OTUB2: variants seen among roughly 807,000 people sequenced by gnomAD.
The protein encoded by OTUB2 is ubiquitin thioesterase OTUB2.
In OTUB2, 21 loss-of-function variants were observed where a neutral mutation model predicts 25.1. That is an observed-to-expected ratio of 0.84 (90% CI 0.59 to 1.21). OTUB2 has a LOEUF of 1.21. Ranked by LOEUF, OTUB2 falls within the 50% of genes most tolerant of loss-of-function variation. OTUB2 has a pLI of 0.00. For synonymous variants in OTUB2, 122 were observed against 122.8 expected, an observed-to-expected ratio of 0.99 and a Z score of 0.04; for missense variants, 283 against 298.0, an observed-to-expected ratio of 0.95 and a Z score of 0.37.
Position 94,027,627 on chromosome 14 carries a change from G to C in OTUB2, c.3+1087G>C, listed in dbSNP as rs573267821. ...GGAAATGGGTGTGCACAGATGCCTG[G>C]TTCTTCAAGCTTAGCCTCCTCTCTC... On this transcript the variant is annotated intron_variant, in intron 1 of 5. Coordinates refer to ENST00000203664, the MANE Select transcript of OTUB2 (RefSeq NM_023112.4). Among the ~76,000 whole-genome samples, 3 of 152,364 alleles carry C rather than the reference G, an allele frequency of 2.0e-5. No homozygotes were observed. In the South Asian group the frequency reaches 6.2e-4, roughly 32 times the overall value.
chr14:94,038,269 G>C (rs1885094364), intron 2 of OTUB2, among the ~76,000 whole-genome samples: 1 of 152,232 alleles, frequency 6.6e-6, no homozygotes, highest in South Asian at 2.1e-4. Context: ...GGAAGGAGCT[G>C]GGCTCTGCAG....
Position 94,037,396 on chromosome 14 carries a change from A to G in OTUB2, c.20A>G (p.Asn7Ser). ...ATCTTTCAGAGTGAAACATCTTTCA[A>G]CCTAATATCAGAAAAATGTGACATT... MSETSF[N>S]LISEKCDILS... The change falls in exon 2 of 6, where the codon AAC (asparagine) becomes AGC (serine). Residue 7 changes from asparagine (N) to serine (S), a missense_variant. Transcript: ENST00000203664. 1 of 1,591,998 alleles carries G rather than the reference A, an allele frequency of 6.3e-7. No individual in the cohort carries two copies. The highest frequency in any genetic ancestry group is 8.6e-7 in the Non-Finnish European group (1 of 1,160,424).
chr14:94,031,323 A>T (rs893643004), intron 1 of OTUB2, among the ~76,000 whole-genome samples: 4 of 152,114 alleles, frequency 2.6e-5, no homozygotes, highest in African/African-American at 9.7e-5. Context: ...TACACATCTG[A>T]AGGGATATTT....
intron 1 of OTUB2, among the ~76,000 whole-genome samples, chr14:94,030,608 C>T (rs1884943096): frequency 6.6e-6 from 1 of 152,070 alleles, no homozygotes; most frequent in Non-Finnish European, 1.5e-5. Context: ...GGTCTTGTCA[C>T]TTTTCTTAGT....
Position 94,026,535 on chromosome 14 carries a change from A to T in OTUB2, c.-3A>T, listed in dbSNP as rs1448325357. ...GGGACCTGGCCTGGCGGCTCTGGTC[A>T]CTATGGTCAGTGATCGTGGGGGATC... is the stretch of plus-strand genomic sequence containing the variant. On this transcript the variant is annotated 5_prime_UTR_variant, in exon 1 of 6. Transcript: ENST00000203664. 2.4e-6 allele frequency: 3 copies of T among 1,262,598 alleles called. No homozygotes were observed. The African/African-American group carries it at 4.7e-5, about 20-fold the overall frequency. 78.2% of individuals were successfully genotyped at this position (1,262,598 alleles called of 1,614,324 possible).
chr14:94,035,348 G>A (rs1000295939), intron 1 of OTUB2, among the ~76,000 whole-genome samples: 1 of 138,218 alleles, frequency 7.2e-6, no homozygotes. Context: ...GGAGTGCAGT[G>A]GTGCAATCTT....
At chr14:94,037,328 C>T (rs1050064138) in intron 1 of OTUB2, 52 bp from the exon 2 acceptor site, 21 of 1,366,072 alleles carry the variant, frequency 1.5e-5, no homozygotes, top group South Asian at 7.3e-5. Flanking sequence ...CGGGGAGTCC[C>T]GTCCGTTGCT....
intron 1 of OTUB2, among the ~76,000 whole-genome samples, 156 bp downstream of exon 1, chr14:94,026,696 C>T (rs1192335637): frequency 6.6e-6 from 1 of 152,034 alleles, no homozygotes; most frequent in African/African-American, 2.4e-5. Flanking sequence ...AATACGGAGT[C>T]CGGACGGATA....
Position 94,046,321 on chromosome 14 carries a change from CA to C in OTUB2, c.*401del, listed in dbSNP as rs879768913. On this transcript the variant is annotated 3_prime_UTR_variant, in exon 6 of 6. Coordinates refer to ENST00000203664, the MANE Select transcript of OTUB2 (RefSeq NM_023112.4). The stretch of plus-strand genomic sequence containing the variant: ...GCCTCTCTGCGGGGGAGGAAAAGCT[CA>C]AGGTTAGCTGTCTTAACCCAAGTGA... 22 of 282,476 alleles carry C rather than the reference CA, an allele frequency of 7.8e-5. No individual in the cohort carries two copies. The Admixed American group carries it at 1.0e-3, about 13-fold the overall frequency. The allele number at this position is 282,476 out of a possible 1,614,324, so 17.5% of individuals were successfully genotyped here.
intron 3 of OTUB2, among the ~76,000 whole-genome samples, chr14:94,041,033 G>A (rs192730658): frequency 3.3e-5 from 5 of 152,310 alleles, no homozygotes; most frequent in Admixed American, 6.5e-5. Context: ...AGACGGGGGC[G>A]GAGACACAGC....
intron 1 of OTUB2, among the ~76,000 whole-genome samples, chr14:94,034,105 G>C (rs1885008418): frequency 6.6e-6 from 1 of 152,238 alleles, no homozygotes; most frequent in African/African-American, 2.4e-5. Flanking sequence ...AGGTATGCTA[G>C]AGACTGTCTT....
chr14:94,039,103 C>A (rs749449428), intron 3 of OTUB2, 22 bp downstream of exon 3: 2 of 1,572,656 alleles, frequency 1.3e-6, no homozygotes, highest in South Asian at 2.2e-5. Context: ...GGCCCCTTGG[C>A]CTGTCAGGGC....
chr14:94,028,023 A>C (rs1197696776), intron 1 of OTUB2, among the ~76,000 whole-genome samples: 1 of 152,232 alleles, frequency 6.6e-6, no homozygotes, highest in Non-Finnish European at 1.5e-5. Context: ...AGCTGAGAGC[A>C]CAGCAGAGGC....
At chr14:94,029,934 G>A (rs1338379634) in intron 1 of OTUB2, among the ~76,000 whole-genome samples, 1 of 152,202 alleles carries the variant, frequency 6.6e-6, no homozygotes, top group South Asian at 2.1e-4. Flanking sequence ...GATGCCACCT[G>A]CATCTTGGGA....
At chr14:94,037,571 C>A in intron 2 of OTUB2, 96 bp downstream of exon 2, 1 of 743,888 alleles carries the variant, frequency 1.3e-6, no homozygotes, top group Non-Finnish European at 2.1e-6. Context: ...TAGTTTGGGC[C>A]AGGTTCCTGG....
At chr14:94,029,267 T>C (rs1884917279) in intron 1 of OTUB2, among the ~76,000 whole-genome samples, 1 of 152,178 alleles carries the variant, frequency 6.6e-6, no homozygotes, top group Non-Finnish European at 1.5e-5. Flanking sequence ...CATCTGTCTA[T>C]TCATTCATGC....
Position 94,045,971 on chromosome 14 carries a change from C to A in OTUB2, c.*49C>A. ...ACCTGTCACCTAATGGGACTGCATT[C>A]TGAATGGAACATTCCGGCTCTTCAA... On this transcript the variant is annotated 3_prime_UTR_variant, in exon 6 of 6. Transcript: ENST00000203664. 6.4e-7 allele frequency: 1 copy of A among 1,569,280 alleles called. No individual in the cohort carries two copies. Among genetic ancestry groups the A allele is most frequent in the Non-Finnish European group, 8.8e-7 (1 of 1,141,728 alleles).
chr14:94,041,892 G>A (rs1885168333), intron 3 of OTUB2, among the ~76,000 whole-genome samples: 1 of 151,700 alleles, frequency 6.6e-6, no homozygotes, highest in Non-Finnish European at 1.5e-5. Flanking sequence ...GCCCTGTCAC[G>A]GACATTAAGT....
chr14:94,036,237 G>A (rs76627101), intron 1 of OTUB2, among the ~76,000 whole-genome samples: 1 of 152,078 alleles, frequency 6.6e-6, no homozygotes, highest in African/African-American at 2.4e-5. Flanking sequence ...GGTGTGACAT[G>A]AAAAAGGCCA....
Sources: allele counts gnomAD v4.1 joint callset (sites outside exome capture counted in the v4.1 genomes callset), GRCh38; gene constraint gnomAD v4.1.1; transcripts MANE v1.5; gene names NCBI Gene and HGNC (gene_info 2026-07-23, HGNC 2026-07-21).